Variants in EYS observed in about 807,000 individuals in gnomAD.
EYS encodes protein eyes shut homolog.
In EYS, 250 loss-of-function variants were observed where a neutral mutation model predicts 282.1. The ratio of observed to expected loss-of-function variants is 0.89; its 90% CI spans 0.80 to 0.98. The LOEUF (loss-of-function observed/expected upper bound fraction) is 0.98. EYS is among the 50% of genes least tolerant of loss of function. The probability of loss-of-function intolerance (pLI) is 0.00; values close to 1 mark genes in which losing one functional copy is unlikely to be tolerated. For missense variants in EYS, 4,016 were observed against 3,709.0 expected, an observed-to-expected ratio of 1.08 and a Z score of -2.15; for synonymous variants, 1,355 against 1,282.9, an observed-to-expected ratio of 1.06 and a Z score of -1.20.
At chr6:63,737,857 A>G (rs1437365105) in intron 41 of EYS, among the ~76,000 whole-genome samples, 32 of 152,156 alleles carry the variant, frequency 2.1e-4, no homozygotes, top group Non-Finnish European at 3.7e-4. Flanking sequence ...GCTAATATCC[A>G]GAATCTACAA....
intron 29 of EYS, among the ~76,000 whole-genome samples, chr6:64,336,150 A>G (rs1315544339): frequency 6.6e-6 from 1 of 152,158 alleles, no homozygotes; most frequent in Non-Finnish European, 1.5e-5. Flanking sequence ...ACTAACATTG[A>G]ATGTAAATGG....
chr6:65,280,978 A>C (rs1562069768), intron 12 of EYS, among the ~76,000 whole-genome samples: 1 of 145,530 alleles, frequency 6.9e-6, no homozygotes, highest in African/African-American at 2.5e-5. Flanking sequence ...GGAGGTTGCA[A>C]TGAGCCAAGA....
At chr6:64,422,914 CTG>C (rs1195524400) in intron 28 of EYS, among the ~76,000 whole-genome samples, 18 of 152,194 alleles carry the variant, frequency 1.2e-4, no homozygotes, top group African/African-American at 4.1e-4. Flanking sequence ...CATTTTATAA[CTG>C]TCTTTTAAAA....
At chr6:64,331,708 C>G (rs959857272) in intron 29 of EYS, among the ~76,000 whole-genome samples, 5 of 152,150 alleles carry the variant, frequency 3.3e-5, no homozygotes, top group African/African-American at 1.2e-4. Flanking sequence ...TGCCATCGCT[C>G]AAGCCATTTG....
chr6:64,690,903 C>T (rs1770357715), intron 22 of EYS, among the ~76,000 whole-genome samples: 3 of 151,950 alleles, frequency 2.0e-5, no homozygotes, highest in African/African-American at 7.3e-5. Flanking sequence ...GGGTGCAGCA[C>T]ACCAACATGG....
At chr6:64,485,898 T>C (rs546490182) in intron 26 of EYS, among the ~76,000 whole-genome samples, 2 of 151,614 alleles carry the variant, frequency 1.3e-5, no homozygotes, top group Non-Finnish European at 3.0e-5. Flanking sequence ...AATATTCATA[T>C]TTCTATATTA....
intron 36 of EYS, among the ~76,000 whole-genome samples, chr6:63,831,520 C>G (rs1327822180): frequency 6.6e-6 from 1 of 152,098 alleles, no homozygotes. Context: ...GCTAACTATC[C>G]TAAATATATA....
At chr6:63,735,467 T>A (rs1183849348) in intron 41 of EYS, among the ~76,000 whole-genome samples, 3 of 151,506 alleles carry the variant, frequency 2.0e-5, no homozygotes, top group Non-Finnish European at 4.4e-5. Flanking sequence ...CCTGTCTCTG[T>A]CTTCCTGTGT....
intron 22 of EYS, among the ~76,000 whole-genome samples, chr6:64,706,489 C>A (rs1472505106): frequency 6.6e-6 from 1 of 152,098 alleles, no homozygotes; most frequent in South Asian, 2.1e-4. Context: ...AAAAACTCTG[C>A]ACTGCAAAAG....
chr6:65,495,448 T>C lies in EYS; in HGVS notation c.-38A>G. The C allele has an allele frequency of 6.3e-7, 1 of 1,599,280 alleles. No individual in the cohort carries two copies. The highest frequency in any genetic ancestry group is 2.2e-5 in the East Asian group (1 of 44,802). On this transcript the variant is annotated 5_prime_UTR_variant, in exon 4 of 43. Coordinates refer to ENST00000503581, the MANE Select transcript of EYS (RefSeq NM_001142800.2). ...GTATTTTACAGTTTATCATAAAGAA[T>C]TGCTGCAAAATGGTGTTTTAAGTAT...
intron 22 of EYS, among the ~76,000 whole-genome samples, chr6:64,751,715 C>T (rs1343707430): frequency 6.6e-6 from 1 of 152,190 alleles, no homozygotes; most frequent in Non-Finnish European, 1.5e-5. Flanking sequence ...AACTGCACAA[C>T]CTAATAGAAA....
chr6:64,310,841 T>G (rs1308121948), intron 29 of EYS, among the ~76,000 whole-genome samples: 2 of 152,188 alleles, frequency 1.3e-5, no homozygotes, highest in African/African-American at 4.8e-5. Flanking sequence ...TGAATTTTTT[T>G]TGTGTACTTT....
intron 29 of EYS, among the ~76,000 whole-genome samples, chr6:64,373,083 T>C (rs1278004943): frequency 6.6e-6 from 1 of 152,200 alleles, no homozygotes; most frequent in Admixed American, 6.5e-5. Flanking sequence ...TTTAGCTTGG[T>C]TGAGAACCAT....
At chr6:65,662,713 C>T (rs16897020) in intron 1 of EYS, among the ~76,000 whole-genome samples, 23,899 of 151,974 alleles carry the variant, frequency 0.16, 2,022 homozygotes, top group South Asian at 0.3. Context: ...TGACTACATG[C>T]TCTGTTATAA....
chr6:64,556,376 A>C (rs1765233055), intron 26 of EYS, among the ~76,000 whole-genome samples: 1 of 151,984 alleles, frequency 6.6e-6, no homozygotes, highest in Admixed American at 6.6e-5. Flanking sequence ...GAAGCTAGAC[A>C]CAGAGGGTCT....
chr6:64,899,393 G>A (rs760445525), intron 18 of EYS, among the ~76,000 whole-genome samples: 1 of 151,812 alleles, frequency 6.6e-6, no homozygotes, highest in East Asian at 1.9e-4. Flanking sequence ...AGAAATAAAG[G>A]GTATTCAAAT....
chr6:64,539,661 G>A, intron 26 of EYS, among the ~76,000 whole-genome samples: 1 of 152,154 alleles, frequency 6.6e-6, no homozygotes, highest in East Asian at 1.9e-4. Context: ...TGGTTCATAA[G>A]CACCCTCTGC....
chr6:64,991,682 G>A (rs2150122755), intron 14 of EYS, among the ~76,000 whole-genome samples: 1 of 151,570 alleles, frequency 6.6e-6, no homozygotes, highest in Non-Finnish European at 1.5e-5. Context: ...AAAAGAATTG[G>A]AATAGAATAA....
chr6:65,047,415 T>C (rs1773136751), intron 13 of EYS, among the ~76,000 whole-genome samples: 1 of 151,946 alleles, frequency 6.6e-6, no homozygotes, highest in African/African-American at 2.4e-5. Context: ...ATCCTGTTTT[T>C]TGTTTCAAAT....
Sources: gnomAD v4.1 joint callset for allele counts (sites outside exome capture counted in the v4.1 genomes callset) on GRCh38, gnomAD v4.1.1 for gene constraint, MANE v1.5 for transcripts, NCBI Gene and HGNC (gene_info 2026-07-23, HGNC 2026-07-21) for gene names.